SHC4: variants seen among roughly 807,000 people sequenced by gnomAD.
SHC4 encodes the protein SHC adaptor protein 4, also known as SHC-transforming protein 4.
SHC4 carries 41 observed loss-of-function variants against 69.4 expected under a neutral mutation model. That is an observed-to-expected ratio of 0.59 (90% CI 0.46 to 0.77). SHC4 has a LOEUF of 0.77. Among genes scored for constraint, SHC4 ranks in the 30% least tolerant of loss-of-function variants. The probability of loss-of-function intolerance (pLI) is 0.00; values close to 1 mark genes in which losing one functional copy is unlikely to be tolerated. For missense variants in SHC4, 777 were observed against 783.8 expected, an observed-to-expected ratio of 0.99 and a Z score of 0.10; for synonymous variants, 318 against 299.3, an observed-to-expected ratio of 1.06 and a Z score of -0.64.
chr15:48,931,697 G>C (rs1595761974), intron 1 of SHC4, among the ~76,000 whole-genome samples: 1 of 152,002 alleles, frequency 6.6e-6, no homozygotes, highest in African/African-American at 2.4e-5. Flanking sequence ...CATGGGCAAA[G>C]CATATGAATT....
At chr15:48,874,145 CAAG>C (rs1567058386) in intron 4 of SHC4, among the ~76,000 whole-genome samples, 1 of 152,038 alleles carries the variant, frequency 6.6e-6, no homozygotes, top group Non-Finnish European at 1.5e-5. Context: ...AATAAATGCA[CAAG>C]AAGAGTTAGC....
chr15:48,897,785 A>ACACACACACACACACAC (rs58670176), intron 2 of SHC4, among the ~76,000 whole-genome samples: 1 of 150,870 alleles, frequency 6.6e-6, no homozygotes, highest in African/African-American at 2.4e-5. Context: ...ACACACACAC[A>ACACACACACACACACAC]TCTATAGTCA....
intron 3 of SHC4, 87 bp downstream of exon 3, chr15:48,890,661 A>C (rs969282124): frequency 6.8e-7 from 1 of 1,479,788 alleles, no homozygotes; most frequent in Non-Finnish European, 9.4e-7. Context: ...GACCTTGGTC[A>C]TATGGTGGGA....
chr15:48,936,911 TA>T (rs1336376070), intron 1 of SHC4, among the ~76,000 whole-genome samples: 1 of 152,160 alleles, frequency 6.6e-6, no homozygotes, highest in Admixed American at 6.5e-5. Flanking sequence ...TTGTTTGAAC[TA>T]AGAGAGGTTT....
At chr15:48,843,702 A>G (rs1381122419) in intron 9 of SHC4, 114 bp from the exon 10 acceptor site, 4 of 927,910 alleles carry the variant, frequency 4.3e-6, no homozygotes, top group Admixed American at 3.1e-5. Context: ...CACCCTATAC[A>G]ATGATTGAAC....
chr15:48,896,285 T>TCTCTCC (rs1254656700), intron 2 of SHC4, among the ~76,000 whole-genome samples: 1 of 135,362 alleles, frequency 7.4e-6, no homozygotes, highest in Non-Finnish European at 1.6e-5. Flanking sequence ...TCTCTCTCTC[T>TCTCTCC]CTCTCCCTCC....
intron 2 of SHC4, among the ~76,000 whole-genome samples, chr15:48,906,937 C>G (rs138229973): frequency 1.1e-4 from 16 of 152,292 alleles, no homozygotes; most frequent in Non-Finnish European, 2.4e-4. Context: ...ATGTGCCCAA[C>G]AAGTGGCAAA....
intron 11 of SHC4, among the ~76,000 whole-genome samples, chr15:48,834,428 T>C (rs780927353): frequency 1.2e-4 from 18 of 152,258 alleles, no homozygotes; most frequent in Non-Finnish European, 2.4e-4. Context: ...GCACTTGTTT[T>C]ATTAAATTAT....
chr15:48,917,775 T>C (rs904318750), intron 2 of SHC4, among the ~76,000 whole-genome samples: 1 of 7,644 alleles, frequency 1.3e-4, no homozygotes, highest in Admixed American at 3.3e-3. Flanking sequence ...CTTGTCCTTT[T>C]ATTTTCCTCT....
At position 48,852,117 on chromosome 15, in the gene SHC4, A is replaced by G. The variant is rs542531976; in HGVS notation, c.1243-869T>C. ...AGAAAATGCTGAGTTCAACCTTGATATAGATAAGCAATGTAGTGCAATGTG... is the reference window on the plus strand; with the variant it reads ...AGAAAATGCTGAGTTCAACCTTGATGTAGATAAGCAATGTAGTGCAATGTG... On this transcript the variant is annotated intron_variant, in intron 8 of 11. Transcript: ENST00000332408. Among the ~76,000 whole-genome samples, 6 of 152,326 alleles carry G rather than the reference A, an allele frequency of 3.9e-5. No homozygotes were observed. The South Asian group carries it at 8.3e-4, about 21-fold the overall frequency.
At chr15:48,894,507 C>T (rs1900189323) in intron 2 of SHC4, among the ~76,000 whole-genome samples, 1 of 152,112 alleles carries the variant, frequency 6.6e-6, no homozygotes, top group African/African-American at 2.4e-5. Context: ...CATAGAGAGA[C>T]GGGACAATGT....
In SHC4 at chr15:48,850,070, G is replaced by C. The variant is rs528504221; in HGVS notation, c.1303+1118C>G. Among the ~76,000 whole-genome samples, 42 of 152,260 alleles carry C rather than the reference G, an allele frequency of 2.8e-4. No individual in the cohort carries two copies. The South Asian group carries it at 8.3e-3, about 30-fold the overall frequency. On this transcript the variant is annotated intron_variant, in intron 9 of 11. Transcript: ENST00000332408. ...CTACAAACATTAGCTGGGCATGGTG[G>C]CGGGTGCCTGTAATCTCAGCTACTC...
At chr15:48,883,664 C>T (rs1436773150) in intron 4 of SHC4, among the ~76,000 whole-genome samples, 1 of 152,190 alleles carries the variant, frequency 6.6e-6, no homozygotes, top group Non-Finnish European at 1.5e-5. Flanking sequence ...TTTGCTTCAG[C>T]AATGCTGTTC....
chr15:48,887,171 A>C (rs1900050554), intron 3 of SHC4, among the ~76,000 whole-genome samples: 2 of 152,162 alleles, frequency 1.3e-5, no homozygotes, highest in South Asian at 4.1e-4. Flanking sequence ...ACTGCTAATG[A>C]TGCAGTATCT....
At chr15:48,924,369 T>C (rs1364709863) in intron 2 of SHC4, among the ~76,000 whole-genome samples, 3 of 152,166 alleles carry the variant, frequency 2.0e-5, no homozygotes, top group Non-Finnish European at 4.4e-5. Flanking sequence ...TCTGATTTCT[T>C]CCCCTAAGCT....
chr15:48,926,156 C>T lies in SHC4; in HGVS notation c.586-1207G>A, dbSNP rs892293930. Among the ~76,000 whole-genome samples the T allele has an allele frequency of 3.9e-5, 6 of 152,114 alleles. No homozygotes were observed. In the South Asian group the frequency reaches 6.2e-4, roughly 16 times the overall value. On this transcript the variant is annotated intron_variant, in intron 1 of 11. Transcript: ENST00000332408. ...GACCTGAGAGGATTCAGCCTAGGGACGTGGACTTAGTAGTCTTCTGTGTAG... is the reference window on the plus strand; with the variant it reads ...GACCTGAGAGGATTCAGCCTAGGGATGTGGACTTAGTAGTCTTCTGTGTAG...
intron 1 of SHC4, among the ~76,000 whole-genome samples, chr15:48,931,712 T>C (rs570006754): frequency 3.9e-5 from 6 of 152,094 alleles, no homozygotes; most frequent in Non-Finnish European, 7.4e-5. Flanking sequence ...TGAATTCAAC[T>C]GCATCCATTT....
intron 3 of SHC4, among the ~76,000 whole-genome samples, chr15:48,886,325 TTTG>T (rs1262530127): frequency 1.3e-5 from 2 of 152,166 alleles, no homozygotes; most frequent in African/African-American, 4.8e-5. Flanking sequence ...CGAAAAGCAT[TTTG>T]TTATCTGTAA....
At chr15:48,931,531 A>G (rs894633496) in intron 1 of SHC4, among the ~76,000 whole-genome samples, 3 of 152,052 alleles carry the variant, frequency 2.0e-5, no homozygotes, top group Non-Finnish European at 2.9e-5. Context: ...AAATCCATCA[A>G]CCAATCAAGA....
Sources: allele counts gnomAD v4.1 joint callset (sites outside exome capture counted in the v4.1 genomes callset), GRCh38; gene constraint gnomAD v4.1.1; transcripts MANE v1.5; gene names NCBI Gene and HGNC (gene_info 2026-07-23, HGNC 2026-07-21).